ST8SIA6: variants seen among roughly 807,000 people sequenced by gnomAD.
ST8SIA6 encodes the protein ST8 alpha-N-acetyl-neuraminide alpha-2,8-sialyltransferase 6.
A neutral mutation model predicts 33.6 loss-of-function variants in ST8SIA6; 39 were observed. That is an observed-to-expected ratio of 1.16 (90% CI 0.90 to 1.52). The LOEUF (loss-of-function observed/expected upper bound fraction) is 1.52. ST8SIA6 is among the 40% of genes most tolerant of loss of function. The pLI, the probability that ST8SIA6 is intolerant of heterozygous loss-of-function variation, is 0.00. For synonymous variants in ST8SIA6, 172 were observed against 167.2 expected (o/e 1.03, Z -0.22); for missense variants, 441 against 443.8 (o/e 0.99, Z 0.06).
At position 17,327,102 on chromosome 10, in the gene ST8SIA6, A is replaced by G; in HGVS notation, c.547T>C (p.Tyr183His). The change falls in exon 6 of 8, where the codon TAT becomes CAT. Residue 183 changes from tyrosine (Y) to histidine (H), a missense_variant. Tyr to His is a moderately conservative substitution (Grantham distance 83). Transcript: ENST00000377602. ...TTTCCGACCACTGCACACTGATTATAAGGGTAGTCCACAAAAGGCTGGGAC... is the reference window on the plus strand; with the variant it reads ...TTTCCGACCACTGCACACTGATTATGAGGGTAGTCCACAAAAGGCTGGGAC... ...PVSQPFVDYP[Y>H]NQCAVVGNGG... 1.2e-6 allele frequency: 2 copies of G among 1,606,232 alleles called. No homozygotes were observed. Among genetic ancestry groups the G allele is most frequent in the Non-Finnish European group, 1.7e-6 (2 of 1,177,054 alleles).
At chr10:17,398,919 A>G (rs910561898) in intron 2 of ST8SIA6, among the ~76,000 whole-genome samples, 1 of 152,144 alleles carries the variant, frequency 6.6e-6, no homozygotes, top group Non-Finnish European at 1.5e-5. Context: ...TTCTAATTGT[A>G]ATGTAGCCAC....
At chr10:17,429,529 G>A (rs1440123172) in intron 2 of ST8SIA6, among the ~76,000 whole-genome samples, 2 of 151,842 alleles carry the variant, frequency 1.3e-5, no homozygotes, top group African/African-American at 4.8e-5. Context: ...CTTTCTCCCT[G>A]TGTGTTTCTC....
At chr10:17,350,775 T>A (rs1427586394) in intron 4 of ST8SIA6, among the ~76,000 whole-genome samples, 1 of 152,124 alleles carries the variant, frequency 6.6e-6, no homozygotes, top group African/African-American at 2.4e-5. Context: ...TGTGTGATCA[T>A]CAGGCTGACA....
intron 2 of ST8SIA6, among the ~76,000 whole-genome samples, chr10:17,421,695 T>C (rs999072624): frequency 6.6e-6 from 1 of 152,092 alleles, no homozygotes. Flanking sequence ...CCCCACTAGC[T>C]GGGACTACAG....
intron 4 of ST8SIA6, among the ~76,000 whole-genome samples, chr10:17,347,155 A>G (rs1411598542): frequency 6.6e-6 from 1 of 152,214 alleles, no homozygotes; most frequent in East Asian, 1.9e-4. Context: ...ACATCACAGC[A>G]ACACTTAGAT....
chr10:17,376,394 A>C (rs1158523523), intron 3 of ST8SIA6, among the ~76,000 whole-genome samples: 3 of 152,114 alleles, frequency 2.0e-5, no homozygotes, highest in Non-Finnish European at 4.4e-5. Flanking sequence ...TTATTAGAGC[A>C]GTGTGTCTAC....
intron 7 of ST8SIA6, among the ~76,000 whole-genome samples, chr10:17,322,839 T>G (rs1461734218): frequency 4.6e-5 from 7 of 152,180 alleles, no homozygotes; most frequent in African/African-American, 1.7e-4. Context: ...TATGTTCTCA[T>G]TTGATTAGCT....
At position 17,320,312 on chromosome 10, in the gene ST8SIA6, T is replaced by G. The variant is rs1170232075; in HGVS notation, c.*566A>C. 1 of 152,626 alleles carries G rather than the reference T, an allele frequency of 6.6e-6. No individual in the cohort carries two copies. Among genetic ancestry groups the G allele is most frequent in the South Asian group, 2.1e-4 (1 of 4,854 alleles). The allele number at this position is 152,626 out of a possible 1,614,324, so 9.5% of individuals were successfully genotyped here. On this transcript the variant is annotated 3_prime_UTR_variant, in exon 8 of 8. Transcript: ENST00000377602. Reference sequence around the variant, plus strand: ...ACCAAAATATCATCACAGCTACTATTAAAAGTGAATTTAATCAGAAGCAGG... The same window carrying G: ...ACCAAAATATCATCACAGCTACTATGAAAAGTGAATTTAATCAGAAGCAGG...
intron 2 of ST8SIA6, among the ~76,000 whole-genome samples, chr10:17,439,265 C>T (rs1852384936): frequency 6.9e-6 from 1 of 145,022 alleles, no homozygotes; most frequent in South Asian, 2.2e-4. Context: ...TGTGCTTCTT[C>T]CCTCTCTTTT....
chr10:17,407,707 C>T (rs372937040), intron 2 of ST8SIA6, among the ~76,000 whole-genome samples: 5 of 152,186 alleles, frequency 3.3e-5, no homozygotes, highest in Non-Finnish European at 5.9e-5. Context: ...GTCATATCTA[C>T]GAGCTCCCAG....
chr10:17,322,222 G>T (rs1387234134), intron 7 of ST8SIA6, among the ~76,000 whole-genome samples: 1 of 124,864 alleles, frequency 8.0e-6, no homozygotes, highest in African/African-American at 3.4e-5. Flanking sequence ...AGAAAGAAAA[G>T]AAAGAAAGAA....
intron 3 of ST8SIA6, among the ~76,000 whole-genome samples, chr10:17,373,244 A>G (rs1849791498): frequency 6.6e-6 from 1 of 152,234 alleles, no homozygotes; most frequent in South Asian, 2.1e-4. Context: ...GAGGCTGTGC[A>G]CAAACTGTCT....
chr10:17,387,076 G>C (rs1850393803), intron 3 of ST8SIA6: 1 of 152,164 alleles, frequency 6.6e-6, no homozygotes, highest in Non-Finnish European at 1.5e-5. Flanking sequence ...GAACCTATTG[G>C]TGAGTTCCAC....
intron 3 of ST8SIA6, among the ~76,000 whole-genome samples, chr10:17,387,646 A>G (rs1426875378): frequency 6.6e-6 from 1 of 152,202 alleles, no homozygotes; most frequent in East Asian, 1.9e-4. Context: ...TGTCACATCG[A>G]TTAACCCAAA....
At chr10:17,429,629 T>G (rs1852041611) in intron 2 of ST8SIA6, among the ~76,000 whole-genome samples, 1 of 151,928 alleles carries the variant, frequency 6.6e-6, no homozygotes, top group African/African-American at 2.4e-5. Flanking sequence ...GGACTACAGG[T>G]GCATGCCACC....
chr10:17,344,825 C>T (rs564029021), intron 4 of ST8SIA6, among the ~76,000 whole-genome samples: 1 of 152,276 alleles, frequency 6.6e-6, no homozygotes, highest in East Asian at 1.9e-4. Context: ...CTGGAGTGCA[C>T]AGAGTCAAGG....
intron 2 of ST8SIA6, among the ~76,000 whole-genome samples, 165 bp downstream of exon 2, chr10:17,453,393 TG>T (rs1212374565): frequency 6.6e-6 from 1 of 150,630 alleles, no homozygotes; most frequent in East Asian, 1.9e-4. Context: ...GTGTGAAGGG[TG>T]CCCCCCCCCA....
chr10:17,353,544 C>G, intron 4 of ST8SIA6, among the ~76,000 whole-genome samples: 1 of 152,116 alleles, frequency 6.6e-6, no homozygotes, highest in East Asian at 1.9e-4. Flanking sequence ...TCTACAAATA[C>G]AGCACTGGAA....
chr10:17,397,823 A>G (rs942866020), intron 2 of ST8SIA6, among the ~76,000 whole-genome samples: 1 of 152,184 alleles, frequency 6.6e-6, no homozygotes, highest in African/African-American at 2.4e-5. Context: ...GCGGGGGGGA[A>G]ATCTTTAAAA....
Sources: allele counts gnomAD v4.1 joint callset (sites outside exome capture counted in the v4.1 genomes callset), GRCh38; gene constraint gnomAD v4.1.1; transcripts MANE v1.5; gene names NCBI Gene and HGNC (gene_info 2026-07-23, HGNC 2026-07-21).